Variants in ASTN1 observed in about 807,000 individuals in gnomAD.
ASTN1 encodes the protein astrotactin 1.
ASTN1 carries 41 observed loss-of-function variants against 140.7 expected under a neutral mutation model. The observed-to-expected ratio is 0.29, with a 90% CI of 0.23 to 0.38. The LOEUF is 0.38. Among genes scored for constraint, ASTN1 ranks in the 10% least tolerant of loss-of-function variants. The pLI, the probability that ASTN1 is intolerant of heterozygous loss-of-function variation, is 1.00. For missense variants in ASTN1, 1,479 were observed against 1,678.8 expected (o/e 0.88, Z 2.08); for synonymous variants, 640 against 652.2 (o/e 0.98, Z 0.29).
rs150018144 is a variant in ASTN1, at chr1:176,888,147, C to T, written c.2998G>A (p.Glu1000Lys). 14 of 1,614,112 alleles carry T rather than the reference C, an allele frequency of 8.7e-6. No individual in the cohort carries two copies. In the African/African-American group the frequency reaches 1.1e-4, roughly 12 times the overall value. The change falls in exon 18 of 23, where the codon GAG (glutamate) becomes AAG (lysine). Residue 1000 changes from glutamate to lysine, a missense_variant. Physicochemically the swap from Glu to Lys is moderately conservative, Grantham distance 56. This residue lies in a region of ASTN1 where 746 missense variants were observed against 800.9 expected (regional missense o/e 0.93). Transcript: ENST00000361833. ...LWCSGTGDVIEDWCRCDSTAF... is the reference protein window; with the variant it reads ...LWCSGTGDVIKDWCRCDSTAF... ...GTGGAGTCACATCGACACCAGTCCTCGATGACATCTCCAGTCCCTGAGCAC... is the reference window on the plus strand; with the variant it reads ...GTGGAGTCACATCGACACCAGTCCTTGATGACATCTCCAGTCCCTGAGCAC...
chr1:176,919,651 T>C (rs947425297), intron 16 of ASTN1, among the ~76,000 whole-genome samples: 5 of 152,028 alleles, frequency 3.3e-5, no homozygotes, highest in African/African-American at 1.2e-4. Flanking sequence ...AGGGAAGAAG[T>C]AAAACAGACC....
At chr1:177,080,259 CAAAAAA>C (rs11300384) in intron 1 of ASTN1, among the ~76,000 whole-genome samples, 3 of 48,404 alleles carry the variant, frequency 6.2e-5, no homozygotes, top group African/African-American at 8.6e-5. Flanking sequence ...ATCACCAGGC[CAAAAAA>C]AAAAAAAAAA....
intron 18 of ASTN1, 108 bp downstream of exon 18, chr1:176,887,963 G>T: frequency 3.4e-6 from 5 of 1,462,998 alleles, no homozygotes; most frequent in Non-Finnish European, 4.7e-6. Context: ...GGCAGGTATT[G>T]TGTCATATTT....
intron 11 of ASTN1, among the ~76,000 whole-genome samples, chr1:176,952,484 A>C (rs1037946654): frequency 6.6e-6 from 1 of 152,126 alleles, no homozygotes; most frequent in African/African-American, 2.4e-5. Context: ...CATTTTAGAA[A>C]GATTTCCAGA....
At position 176,960,399 on chromosome 1, in the gene ASTN1, G is replaced by T. The variant is rs147134911; in HGVS notation, c.1599-1917C>A. 2.5e-4 allele frequency among the ~76,000 whole-genome samples: 38 copies of T among 152,288 alleles called. No individual in the cohort carries two copies. In the South Asian group the frequency reaches 3.3e-3, roughly 13 times the overall value. ...TCAAAATTACAATATCTGCATTGAT[G>T]CAGAGCAACAAATCTGTGACCTGTG... On this transcript the variant is annotated intron_variant, in intron 9 of 22. Coordinates refer to ENST00000361833, the MANE Select transcript of ASTN1 (RefSeq NM_004319.3).
At chr1:177,082,044 G>A (rs188910207) in intron 1 of ASTN1, among the ~76,000 whole-genome samples, 2 of 152,246 alleles carry the variant, frequency 1.3e-5, no homozygotes, top group Non-Finnish European at 1.5e-5. Context: ...GATTGGCTGA[G>A]GGAGCAGAGG....
At chr1:176,958,172 T>C (rs1672498688) in intron 10 of ASTN1, among the ~76,000 whole-genome samples, 173 bp downstream of exon 10, 1 of 152,226 alleles carries the variant, frequency 6.6e-6, no homozygotes, top group East Asian at 1.9e-4. Flanking sequence ...ATGTGCAATA[T>C]TGACCCAGAT....
chr1:176,891,709 C>T (rs1411463499), intron 17 of ASTN1, among the ~76,000 whole-genome samples: 1 of 152,166 alleles, frequency 6.6e-6, no homozygotes, highest in African/African-American at 2.4e-5. Context: ...AGGAGAATCG[C>T]TTGAACCCGG....
chr1:177,092,855 A>T (rs1279956135), intron 1 of ASTN1, among the ~76,000 whole-genome samples: 2 of 152,200 alleles, frequency 1.3e-5, no homozygotes, highest in African/African-American at 4.8e-5. Context: ...GTGATATCTC[A>T]TTGGGTTTTT....
intron 1 of ASTN1, among the ~76,000 whole-genome samples, chr1:177,137,280 AAAC>A (rs1408813020): frequency 6.6e-6 from 1 of 152,240 alleles, no homozygotes; most frequent in Non-Finnish European, 1.5e-5. Context: ...TCAAAAAGGA[AAAC>A]ATAATTGGAA....
At chr1:177,111,990 C>T (rs971307048) in intron 1 of ASTN1, among the ~76,000 whole-genome samples, 3 of 152,134 alleles carry the variant, frequency 2.0e-5, no homozygotes, top group Admixed American at 6.5e-5. Flanking sequence ...TCCAAGTTCC[C>T]GGGTTCTGCT....
chr1:177,025,221 G>C (rs1204312908), intron 5 of ASTN1, among the ~76,000 whole-genome samples: 1 of 152,172 alleles, frequency 6.6e-6, no homozygotes, highest in Non-Finnish European at 1.5e-5. Flanking sequence ...CTATGGGCAA[G>C]ACTCCTACCA....
chr1:176,967,299 A>T (rs943959504), intron 8 of ASTN1, among the ~76,000 whole-genome samples: 1 of 152,186 alleles, frequency 6.6e-6, no homozygotes, highest in African/African-American at 2.4e-5. Context: ...GTAGGGTTTG[A>T]ATCTGATTCT....
intron 1 of ASTN1, among the ~76,000 whole-genome samples, chr1:177,106,036 C>T (rs1680531758): frequency 6.6e-6 from 1 of 152,086 alleles, no homozygotes; most frequent in African/African-American, 2.4e-5. Context: ...ACATGCAGTA[C>T]AGAGAGGTTA....
intron 2 of ASTN1, among the ~76,000 whole-genome samples, chr1:177,046,552 C>G (rs1040451824): frequency 6.6e-6 from 1 of 152,284 alleles, no homozygotes; most frequent in Non-Finnish European, 1.5e-5. Context: ...TACAGAACAC[C>G]ATGTGGTCCC....
chr1:177,150,057 A>T (rs534873713), intron 1 of ASTN1, among the ~76,000 whole-genome samples: 1 of 152,078 alleles, frequency 6.6e-6, no homozygotes, highest in Admixed American at 6.6e-5. Flanking sequence ...CAAGAAAGTA[A>T]GAATGATTCC....
intron 1 of ASTN1, among the ~76,000 whole-genome samples, chr1:177,163,216 C>A (rs2102271902): frequency 6.6e-6 from 1 of 152,258 alleles, no homozygotes; most frequent in East Asian, 1.9e-4. Flanking sequence ...AATGGAACAG[C>A]CTCCTAGACA....
intron 5 of ASTN1, among the ~76,000 whole-genome samples, chr1:177,025,920 T>A (rs74948082): frequency 3.2e-4 from 49 of 152,106 alleles, no homozygotes; most frequent in African/African-American, 1.2e-3. Flanking sequence ...GAATAGAGGG[T>A]TAGAGAGGCT....
chr1:177,151,099 G>A (rs1683010523), intron 1 of ASTN1, among the ~76,000 whole-genome samples: 1 of 152,076 alleles, frequency 6.6e-6, no homozygotes, highest in South Asian at 2.1e-4. Flanking sequence ...GGTAAATACA[G>A]GTAGTTAGGA....
Sources: allele counts gnomAD v4.1 joint callset (sites outside exome capture counted in the v4.1 genomes callset), GRCh38; gene constraint gnomAD v4.1.1; regional missense constraint gnomAD v4.1.1; transcripts MANE v1.5; gene names NCBI Gene and HGNC (gene_info 2026-07-23, HGNC 2026-07-21).